Variants in ELAVL2 observed in about 807,000 individuals in gnomAD.
The protein encoded by ELAVL2 is ELAV-like protein 2.
ELAVL2 carries 4 observed loss-of-function variants against 34.6 expected under a neutral mutation model. The observed-to-expected ratio is 0.12, with a 90% CI of 0.06 to 0.26. The LOEUF (loss-of-function observed/expected upper bound fraction) is 0.26, where lower values mean the gene tolerates loss of function less well. Ranked by LOEUF, ELAVL2 falls within the 10% of genes least tolerant of loss-of-function variation. The pLI is 1.00. For synonymous variants in ELAVL2, 193 were observed against 154.8 expected (o/e 1.25, Z -1.83); for missense variants, 432 against 442.8 (o/e 0.98, Z 0.22).
At chr9:23,836,125 T>A in the ELAVL2 span, among the ~76,000 whole-genome samples, 13 of 152,338 alleles carry the variant, frequency 8.5e-5, no homozygotes, top group African/African-American at 2.9e-4. Flanking sequence ...TGATGGAGCA[T>A]TATGTATGTG....
At chr9:23,777,653 A>C (rs1311205057) in intron 1 of ELAVL2, among the ~76,000 whole-genome samples, 2 of 152,160 alleles carry the variant, frequency 1.3e-5, no homozygotes, top group Admixed American at 1.3e-4. Flanking sequence ...ATGAGGTAGA[A>C]GCAAGAACGG....
At chr9:23,829,924 C>A (rs1282895685), upstream of ELAVL2, 21 of 152,152 alleles carry the variant, frequency 1.4e-4, no homozygotes, top group Admixed American at 1.4e-3. Context: ...TCCTACTCCA[C>A]AGAAACTCAT....
chr9:23,771,092 A>G (rs2057224604), intron 1 of ELAVL2, among the ~76,000 whole-genome samples: 1 of 152,214 alleles, frequency 6.6e-6, no homozygotes, highest in Admixed American at 6.5e-5. Context: ...GTGTGCAGGA[A>G]GACTCAGTGA....
chr9:23,822,455 G>T (rs895857540), intron 1 of ELAVL2, among the ~76,000 whole-genome samples: 1 of 151,964 alleles, frequency 6.6e-6, no homozygotes, highest in African/African-American at 2.4e-5. Context: ...TCCTTCTATC[G>T]CCCCCCAACT....
the ELAVL2 span, chr9:23,831,519 T>C: frequency 6.6e-6 from 1 of 152,172 alleles, no homozygotes; most frequent in Non-Finnish European, 1.5e-5. Flanking sequence ...ACACAGCGGC[T>C]AGAGAAACAG....
At chr9:23,762,314 A>G in intron 1 of ELAVL2, 65 bp from the exon 2 acceptor site, 1 of 1,557,498 alleles carries the variant, frequency 6.4e-7, no homozygotes, top group Non-Finnish European at 8.7e-7. Context: ...GACTCCATCC[A>G]AGAATTTAAA....
At chr9:23,748,391 T>A (rs2051039712) in intron 2 of ELAVL2, among the ~76,000 whole-genome samples, 3 of 152,158 alleles carry the variant, frequency 2.0e-5, no homozygotes, top group African/African-American at 7.2e-5. Flanking sequence ...CACGGATGTT[T>A]GTCCCTGGAT....
At chr9:23,728,266 G>A (rs2045728923) in intron 3 of ELAVL2, among the ~76,000 whole-genome samples, 1 of 152,076 alleles carries the variant, frequency 6.6e-6, no homozygotes, top group African/African-American at 2.4e-5. Context: ...AGCAGGAGCT[G>A]GAACAACCTG....
At chr9:23,700,605 T>C (rs548667861) in intron 5 of ELAVL2, among the ~76,000 whole-genome samples, 15 of 152,290 alleles carry the variant, frequency 9.8e-5, no homozygotes, top group African/African-American at 3.4e-4. Flanking sequence ...AAGCTAAGAA[T>C]GGCTTTTACA....
At chr9:23,782,516 G>C (rs2059198714) in intron 1 of ELAVL2, among the ~76,000 whole-genome samples, 1 of 152,106 alleles carries the variant, frequency 6.6e-6, no homozygotes, top group Non-Finnish European at 1.5e-5. Context: ...AGGTTGCAAT[G>C]AGCCAAGATC....
chr9:23,704,108 T>G lies in ELAVL2; in HGVS notation c.487+810A>C, dbSNP rs532114026. 5.3e-5 allele frequency among the ~76,000 whole-genome samples: 8 copies of G among 152,034 alleles called. No homozygotes were observed. The South Asian group carries it at 1.0e-3, about 20-fold the overall frequency. On this transcript the variant is annotated intron_variant, in intron 4 of 6. Transcript: ENST00000397312. Reference sequence around the variant, plus strand: ...CCATCACACCCAGCTAATTTTGTATTTTTAGTAGAGATGGGGCTTCTCTAT... The same window carrying G: ...CCATCACACCCAGCTAATTTTGTATGTTTAGTAGAGATGGGGCTTCTCTAT...
chr9:23,812,525 T>C (rs2138151484), intron 1 of ELAVL2, among the ~76,000 whole-genome samples: 1 of 152,160 alleles, frequency 6.6e-6, no homozygotes, highest in African/African-American at 2.4e-5. Context: ...TAAGCCACCC[T>C]GAGGTGCCGC....
intron 1 of ELAVL2, among the ~76,000 whole-genome samples, chr9:23,810,734 C>T (rs56334346): frequency 0.14 from 21,208 of 152,122 alleles, 1,860 homozygotes; most frequent in Middle Eastern, 0.19. Flanking sequence ...GGGCAAACCA[C>T]CTGACCTCTG....
chr9:23,827,592 A>G (rs74593503), upstream of ELAVL2, among the ~76,000 whole-genome samples: 910 of 151,756 alleles, frequency 6.0e-3, 8 homozygotes, highest in African/African-American at 0.021. Context: ...AACCAGAGGC[A>G]CATGCCTTTT....
intron 1 of ELAVL2, among the ~76,000 whole-genome samples, chr9:23,822,207 A>G (rs1314875980): frequency 6.6e-6 from 1 of 152,142 alleles, no homozygotes; most frequent in African/African-American, 2.4e-5. Context: ...ATATATAAGT[A>G]TACACACATA....
intron 2 of ELAVL2, among the ~76,000 whole-genome samples, chr9:23,759,422 A>AG (rs2054336552): frequency 6.6e-6 from 1 of 151,822 alleles, no homozygotes; most frequent in African/African-American, 2.4e-5. Context: ...GGAAGGAAGG[A>AG]GGGGGCCAGA....
At chr9:23,777,121 T>C (rs1588395635) in intron 1 of ELAVL2, among the ~76,000 whole-genome samples, 1 of 152,212 alleles carries the variant, frequency 6.6e-6, no homozygotes, top group Non-Finnish European at 1.5e-5. Flanking sequence ...AGTCTTTAAC[T>C]GTTGATAAAA....
chr9:23,720,224 G>T (rs577158816), intron 3 of ELAVL2, among the ~76,000 whole-genome samples: 1 of 151,684 alleles, frequency 6.6e-6, no homozygotes, highest in African/African-American at 2.4e-5. Flanking sequence ...CCAGGCTAGG[G>T]TGCAGTGGTG....
chr9:23,741,250 C>T (rs12352947), intron 2 of ELAVL2, among the ~76,000 whole-genome samples: 10,609 of 152,128 alleles, frequency 0.07, 1,171 homozygotes, highest in African/African-American at 0.23. Flanking sequence ...CTACGCTGAA[C>T]GTAAGGCATC....
Sources: gnomAD v4.1 joint callset for allele counts (sites outside exome capture counted in the v4.1 genomes callset) on GRCh38, gnomAD v4.1.1 for gene constraint, MANE v1.5 for transcripts, NCBI Gene and HGNC (gene_info 2026-07-23, HGNC 2026-07-21) for gene names.